The following GALNTL6 variants were observed in gnomAD, a reference collection of about 807,000 sequenced individuals.
GALNTL6 encodes the protein polypeptide N-acetylgalactosaminyltransferase like 6.
GALNTL6 carries 46 observed loss-of-function variants against 73.7 expected under a neutral mutation model. The ratio of observed to expected loss-of-function variants is 0.62; its 90% confidence interval spans 0.49 to 0.80. The LOEUF is 0.80. GALNTL6 is among the 30% of genes least tolerant of loss of function. The probability of loss-of-function intolerance (pLI) is 0.00; values close to 1 mark genes in which losing one functional copy is unlikely to be tolerated. For missense variants in GALNTL6, 604 were observed against 755.0 expected, an observed-to-expected ratio of 0.80 and a Z score of 2.34; for synonymous variants, 259 against 263.7, an observed-to-expected ratio of 0.98 and a Z score of 0.17.
Position 172,138,154 on chromosome 4 carries a change from G to A in GALNTL6, c.139-91502G>A, listed in dbSNP as rs1367089016. ...AAACCTCCCAAATGAACGGAATTAT[G>A]ATTGGTTGAAAAAACTTATAACTTG... On this transcript the variant is annotated intron_variant, in intron 2 of 12. Coordinates refer to ENST00000506823, the MANE Select transcript of GALNTL6 (RefSeq NM_001034845.3). 2.6e-5 allele frequency among the ~76,000 whole-genome samples: 4 copies of A among 151,858 alleles called. No homozygotes were observed. The East Asian group carries it at 7.8e-4, about 29-fold the overall frequency.
intron 2 of GALNTL6, among the ~76,000 whole-genome samples, chr4:172,085,736 A>G (rs1197371650): frequency 2.0e-5 from 3 of 151,854 alleles, no homozygotes; most frequent in Non-Finnish European, 4.4e-5. Flanking sequence ...AAATGTTTGT[A>G]TAACATTAAA....
intron 4 of GALNTL6, among the ~76,000 whole-genome samples, chr4:172,313,012 AC>A (rs1740415562): frequency 6.6e-6 from 1 of 152,176 alleles, no homozygotes; most frequent in South Asian, 2.1e-4. Flanking sequence ...ATTTCTAGTT[AC>A]GAGAAATTTT....
chr4:172,735,012 G>T lies in GALNTL6; in HGVS notation c.554-74349G>T, dbSNP rs1258073596. 3.3e-5 allele frequency among the ~76,000 whole-genome samples: 5 copies of T among 152,222 alleles called. No individual in the cohort carries two copies. The South Asian group carries it at 1.0e-3, about 32-fold the overall frequency. ...TGCAGGGTTGTAGCCCTTATGGAGAGCCTCTGCTATGGCAGTGCAGAAGGG... is the reference window on the plus strand; with the variant it reads ...TGCAGGGTTGTAGCCCTTATGGAGATCCTCTGCTATGGCAGTGCAGAAGGG... On this transcript the variant is annotated intron_variant, in intron 5 of 12. Transcript: ENST00000506823.
At chr4:172,749,495 T>C (rs1547903) in intron 5 of GALNTL6, among the ~76,000 whole-genome samples, 37 of 152,278 alleles carry the variant, frequency 2.4e-4, no homozygotes, top group South Asian at 8.3e-4. Flanking sequence ...TATATGAGAA[T>C]GTATTTCTGA....
At chr4:172,405,421 ATATATATATATATATATATATATTTTTT>A (rs1744178136) in intron 5 of GALNTL6, among the ~76,000 whole-genome samples, 1 of 5,052 alleles carries the variant, frequency 2.0e-4, no homozygotes, top group African/African-American at 3.8e-4. Flanking sequence ...ATATATATAT[ATATATATATATATATATATATATTTTTT>A]TTTTTTTTTT....
chr4:172,275,812 C>T (rs1461821305), intron 3 of GALNTL6, among the ~76,000 whole-genome samples: 1 of 152,022 alleles, frequency 6.6e-6, no homozygotes, highest in Non-Finnish European at 1.5e-5. Flanking sequence ...CAAAAATTAG[C>T]CAGGTGTGGT....
intron 2 of GALNTL6, among the ~76,000 whole-genome samples, chr4:171,864,398 T>C (rs1338365650): frequency 6.6e-6 from 1 of 152,230 alleles, no homozygotes; most frequent in Admixed American, 6.5e-5. Context: ...GATTAAATTC[T>C]TCAGGAACTG....
chr4:172,343,113 CCTGA>C (rs770557727), intron 4 of GALNTL6, among the ~76,000 whole-genome samples: 1 of 152,098 alleles, frequency 6.6e-6, no homozygotes, highest in Non-Finnish European at 1.5e-5. Context: ...CATATAACCT[CCTGA>C]CTATTGTTAT....
In GALNTL6 at chr4:172,242,903, A is replaced by ACTG. The variant is rs1361160569; in HGVS notation, c.247+13140_247+13142dup. 7.9e-5 allele frequency among the ~76,000 whole-genome samples: 12 copies of ACTG among 152,366 alleles called. 1 individual carries two copies. Among genetic ancestry groups the ACTG allele is most frequent in the Middle Eastern group, 6.8e-3 (2 of 294 alleles). Reference sequence around the variant, plus strand: ...CTAAACTATTTCAATAAGTCTCTTAACTGATCTTGCTCCAGAGCTCTTCAA... The same window carrying ACTG: ...CTAAACTATTTCAATAAGTCTCTTAACTGCTGATCTTGCTCCAGAGCTCTTCAA... On this transcript the variant is annotated intron_variant, in intron 3 of 12. Coordinates refer to ENST00000506823, the MANE Select transcript of GALNTL6 (RefSeq NM_001034845.3).
At chr4:172,972,623 T>C (rs1427501098) in intron 10 of GALNTL6, among the ~76,000 whole-genome samples, 1 of 152,168 alleles carries the variant, frequency 6.6e-6, no homozygotes, top group Non-Finnish European at 1.5e-5. Flanking sequence ...TAAAGATTCA[T>C]GAAGAAATAG....
rs142413114 is a variant in GALNTL6, at chr4:172,989,056, G to A, written c.1372-20122G>A. Among the ~76,000 whole-genome samples, 539 of 152,372 alleles carry A rather than the reference G, an allele frequency of 3.5e-3. 2 individuals are homozygous for A. Among genetic ancestry groups the A allele is most frequent in the African/African-American group, 0.012 (508 of 41,590 alleles). ...GGTCCTCAAACTGGAGCACTGCCTG[G>A]TGGAGCTATGAGAAGAGGGCCACTG... On this transcript the variant is annotated intron_variant, in intron 10 of 12. Coordinates refer to ENST00000506823, the MANE Select transcript of GALNTL6 (RefSeq NM_001034845.3).
intron 11 of GALNTL6, among the ~76,000 whole-genome samples, chr4:173,014,589 G>T (rs777592286): frequency 6.6e-6 from 1 of 151,920 alleles, no homozygotes; most frequent in Non-Finnish European, 1.5e-5. Context: ...TCTCTCTTTG[G>T]GAAAAAAGAG....
At position 172,510,495 on chromosome 4, in the gene GALNTL6, A is replaced by C. The variant is rs1734433256; in HGVS notation, c.553+161806A>C. Among the ~76,000 whole-genome samples, 2 of 54,690 alleles carry C rather than the reference A, an allele frequency of 3.7e-5. 1 individual carries two copies. The highest frequency in any genetic ancestry group is 9.1e-5 in the African/African-American group (2 of 21,936). 35.9% of individuals were successfully genotyped at this position (54,690 alleles called of 152,430 possible). On this transcript the variant is annotated intron_variant, in intron 5 of 12. Coordinates refer to ENST00000506823, the MANE Select transcript of GALNTL6 (RefSeq NM_001034845.3). ...AGTACTATGTTGAATAGAAGTAGTG[A>C]AAGTGTGCATCCTTGTCTTGTTCCA... is the stretch of plus-strand genomic sequence containing the variant.
intron 2 of GALNTL6, among the ~76,000 whole-genome samples, chr4:172,018,155 G>C (rs1009268191): frequency 6.6e-6 from 1 of 152,062 alleles, no homozygotes; most frequent in Non-Finnish European, 1.5e-5. Context: ...CTCCATAAAG[G>C]AGGTGGTCCT....
At chr4:171,907,613 A>G (rs1273071085) in intron 2 of GALNTL6, among the ~76,000 whole-genome samples, 1 of 151,990 alleles carries the variant, frequency 6.6e-6, no homozygotes, top group Admixed American at 6.6e-5. Flanking sequence ...CAAGCTACCA[A>G]TGACTTTCTT....
intron 4 of GALNTL6, among the ~76,000 whole-genome samples, chr4:172,345,094 GTTT>G (rs34057253): frequency 0.18 from 25,556 of 141,634 alleles, 2,330 homozygotes; most frequent in East Asian, 0.33. Context: ...AAGAGGTATT[GTTT>G]TTTTTTTTTT....
chr4:172,754,859 G>T (rs1346831166), intron 5 of GALNTL6, among the ~76,000 whole-genome samples: 3 of 130,548 alleles, frequency 2.3e-5, no homozygotes, highest in South Asian at 2.5e-4. Context: ...AAAAAAAAAA[G>T]AAAATGAAAA....
chr4:171,970,194 G>T (rs577931843), intron 2 of GALNTL6, among the ~76,000 whole-genome samples: 5 of 147,186 alleles, frequency 3.4e-5, no homozygotes, highest in African/African-American at 9.9e-5. Context: ...CAAAATCACC[G>T]GCCATGATCA....
chr4:171,928,168 A>G (rs910535014), intron 2 of GALNTL6, among the ~76,000 whole-genome samples: 3 of 152,244 alleles, frequency 2.0e-5, no homozygotes, highest in African/African-American at 7.2e-5. Context: ...GGTGATATCT[A>G]TAAAATATTA....
Sources: allele counts gnomAD v4.1 joint callset (sites outside exome capture counted in the v4.1 genomes callset), GRCh38; gene constraint gnomAD v4.1.1; transcripts MANE v1.5; gene names NCBI Gene and HGNC (gene_info 2026-07-23, HGNC 2026-07-21).